The following ZFPM2 variants were observed in gnomAD, a reference collection of about 807,000 sequenced individuals.
ZFPM2 encodes zinc finger protein, FOG family member 2, also known as zinc finger protein ZFPM2.
A neutral mutation model predicts 98.6 loss-of-function variants in ZFPM2; 20 were observed. That is an observed-to-expected ratio of 0.20 (90% CI 0.14 to 0.29). The LOEUF is 0.29. Among genes scored for constraint, ZFPM2 ranks in the 10% least tolerant of loss-of-function variants. The probability of loss-of-function intolerance (pLI) is 1.00; values close to 1 mark genes in which losing one functional copy is unlikely to be tolerated. For synonymous variants in ZFPM2, 518 were observed against 502.7 expected (o/e 1.03, Z -0.41); for missense variants, 1,310 against 1,388.6 (o/e 0.94, Z 0.90).
At chr8:105,784,760 C>G (rs1385757442) in intron 5 of ZFPM2, 1 of 133,908 alleles carries the variant, frequency 7.5e-6, no homozygotes, top group Non-Finnish European at 1.6e-5. Flanking sequence ...GTGACTTGCA[C>G]CCAGGCAGCC....
At chr8:105,575,346 ATTG>A (rs1273413338) in intron 4 of ZFPM2, among the ~76,000 whole-genome samples, 2 of 152,066 alleles carry the variant, frequency 1.3e-5, no homozygotes, top group Admixed American at 1.3e-4. Flanking sequence ...CCTTTCCCCA[ATTG>A]TTGTAGCCCC....
chr8:105,680,396 C>A (rs1810574858), intron 5 of ZFPM2, among the ~76,000 whole-genome samples: 1 of 152,142 alleles, frequency 6.6e-6, no homozygotes, highest in South Asian at 2.1e-4. Context: ...TTGAACTGAG[C>A]TGCTCTCCGT....
At position 105,473,068 on chromosome 8, in the gene ZFPM2, A is replaced by G. The variant is rs1371469876; in HGVS notation, c.301+28687A>G. ...CACCACCATGCCTAGATGATTTTTT[A>G]TTTTTTTATTTTTTGTAGAGATGGG... is the stretch of plus-strand genomic sequence containing the variant. On this transcript the variant is annotated intron_variant, in intron 3 of 7. Transcript: ENST00000407775. Among the ~76,000 whole-genome samples, 16 of 151,372 alleles carry G rather than the reference A, an allele frequency of 1.1e-4. 1 individual carries two copies. Among genetic ancestry groups the G allele is most frequent in the Admixed American group, 9.2e-4 (14 of 15,198 alleles).
chr8:105,320,906 ATATATT>A (rs1036048681), intron 1 of ZFPM2, among the ~76,000 whole-genome samples: 1 of 152,192 alleles, frequency 6.6e-6, no homozygotes, highest in African/African-American at 2.4e-5. Context: ...AAGTGAACAA[ATATATT>A]TATATATTTA....
chr8:105,547,146 G>C (rs1814725316), intron 3 of ZFPM2, among the ~76,000 whole-genome samples: 1 of 152,072 alleles, frequency 6.6e-6, no homozygotes, highest in African/African-American at 2.4e-5. Context: ...TAAGAATTGT[G>C]CATAATGATT....
intron 1 of ZFPM2, chr8:105,387,494 C>G (rs1033231945): frequency 2.6e-5 from 4 of 153,578 alleles, no homozygotes; most frequent in African/African-American, 7.2e-5. Context: ...AGCTAAGGCC[C>G]GGCGAGAAGT....
chr8:105,445,835 GC>G (rs1812357826), intron 3 of ZFPM2, among the ~76,000 whole-genome samples: 1 of 151,814 alleles, frequency 6.6e-6, no homozygotes, highest in Admixed American at 6.6e-5. Context: ...AAACTCCTGA[GC>G]TCAAATGATC....
At chr8:105,588,519 A>C (rs2130758952) in intron 4 of ZFPM2, among the ~76,000 whole-genome samples, 1 of 152,280 alleles carries the variant, frequency 6.6e-6, no homozygotes, top group Non-Finnish European at 1.5e-5. Context: ...TCGTTACATA[A>C]GATTCTTCCC....
chr8:105,359,380 T>C (rs542805721), intron 1 of ZFPM2, among the ~76,000 whole-genome samples: 8 of 150,740 alleles, frequency 5.3e-5, no homozygotes, highest in African/African-American at 1.9e-4. Context: ...TTTTTTTTTT[T>C]TTGTTGTTGT....
At chr8:105,417,218 T>C (rs1811695739) in intron 1 of ZFPM2, among the ~76,000 whole-genome samples, 1 of 151,948 alleles carries the variant, frequency 6.6e-6, no homozygotes, top group Admixed American at 6.6e-5. Context: ...TTATTCTAGT[T>C]AACTAACCTC....
At chr8:105,528,920 A>G (rs1814232555) in intron 3 of ZFPM2, 1 of 152,202 alleles carries the variant, frequency 6.6e-6, no homozygotes, top group Non-Finnish European at 1.5e-5. Context: ...TGAAGTAAAG[A>G]AAGTTTTGAA....
chr8:105,785,733 A>G (rs1813395597), intron 5 of ZFPM2, among the ~76,000 whole-genome samples: 2 of 151,672 alleles, frequency 1.3e-5, no homozygotes, highest in South Asian at 4.2e-4. Context: ...GTGAGACTCC[A>G]TCTCTACAAA....
intron 5 of ZFPM2, among the ~76,000 whole-genome samples, chr8:105,665,224 C>A (rs190582992): frequency 2.4e-4 from 36 of 152,250 alleles, no homozygotes; most frequent in Non-Finnish European, 4.0e-4. Context: ...GCATTAATTC[C>A]TTCATGAGGG....
At chr8:105,714,797 T>C (rs1273984497) in intron 5 of ZFPM2, among the ~76,000 whole-genome samples, 2 of 152,068 alleles carry the variant, frequency 1.3e-5, no homozygotes, top group Non-Finnish European at 2.9e-5. Flanking sequence ...GTTTATTGTT[T>C]TGTTCCTTGT....
chr8:105,434,514 A>G (rs1812082843), intron 2 of ZFPM2, among the ~76,000 whole-genome samples: 3 of 152,166 alleles, frequency 2.0e-5, no homozygotes, highest in Non-Finnish European at 2.9e-5. Flanking sequence ...AAGCTCACAC[A>G]TTTTTCATCT....
chr8:105,796,949 C>T (rs145477391), intron 6 of ZFPM2: 1,952 of 152,384 alleles, frequency 0.013, 23 homozygotes, highest in Non-Finnish European at 0.021. Flanking sequence ...CTGAAGACAT[C>T]ACCTCTCCAT....
At chr8:105,399,310 A>G (rs1811287508) in intron 1 of ZFPM2, among the ~76,000 whole-genome samples, 1 of 152,204 alleles carries the variant, frequency 6.6e-6, no homozygotes, top group African/African-American at 2.4e-5. Context: ...AAAGCTGGTC[A>G]CTGCATTAGC....
At chr8:105,698,422 A>G (rs1691708142) in intron 5 of ZFPM2, among the ~76,000 whole-genome samples, 1 of 152,228 alleles carries the variant, frequency 6.6e-6, no homozygotes, top group Non-Finnish European at 1.5e-5. Context: ...CAAAGAAACC[A>G]CTTTTCACTT....
intron 6 of ZFPM2, 112 bp downstream of exon 6, chr8:105,789,036 GT>G (rs1813509825): frequency 1.2e-6 from 1 of 814,320 alleles, no homozygotes; most frequent in South Asian, 2.9e-5. Flanking sequence ...CAGTGTTGTG[GT>G]TTCATTTTAT....
Sources: allele counts gnomAD v4.1 joint callset (sites outside exome capture counted in the v4.1 genomes callset), GRCh38; gene constraint gnomAD v4.1.1; transcripts MANE v1.5; gene names NCBI Gene and HGNC (gene_info 2026-07-23, HGNC 2026-07-21).